Variants in ADGRL2 observed in about 807,000 individuals in gnomAD.
ADGRL2 encodes calcium-independent alpha-latrotoxin receptor 2.
ADGRL2 carries 44 observed loss-of-function variants against 157.4 expected under a neutral mutation model. That is an observed-to-expected ratio of 0.28 (90% confidence interval 0.22 to 0.36). The LOEUF (loss-of-function observed/expected upper bound fraction) is 0.36. ADGRL2 is among the 10% of genes least tolerant of loss of function. The pLI is 1.00. For missense variants in ADGRL2, 1,510 were observed against 1,768.9 expected, an observed-to-expected ratio of 0.85 and a Z score of 2.63; for synonymous variants, 585 against 624.7, an observed-to-expected ratio of 0.94 and a Z score of 0.95.
chr1:81,393,907 C>T (rs1328143798), intron 1 of ADGRL2, among the ~76,000 whole-genome samples: 5 of 148,168 alleles, frequency 3.4e-5, no homozygotes, highest in African/African-American at 1.2e-4. Flanking sequence ...TTAACATACT[C>T]ATTATAGAAT....
At chr1:81,364,246 C>A (rs766712525) in intron 1 of ADGRL2, among the ~76,000 whole-genome samples, 2 of 151,272 alleles carry the variant, frequency 1.3e-5, no homozygotes, top group Admixed American at 6.6e-5. Context: ...GGTCTAGGAT[C>A]ATTTCTTTCA....
At chr1:81,729,179 TC>T (rs1172490236) in intron 1 of ADGRL2, among the ~76,000 whole-genome samples, 1 of 151,580 alleles carries the variant, frequency 6.6e-6, no homozygotes, top group East Asian at 1.9e-4. Context: ...CATTTAAAAG[TC>T]TTTTATGATA....
intron 2 of ADGRL2, among the ~76,000 whole-genome samples, chr1:81,793,934 T>G (rs2087467854): frequency 6.6e-6 from 1 of 152,172 alleles, no homozygotes; most frequent in Non-Finnish European, 1.5e-5. Flanking sequence ...TTCTTGGGAT[T>G]CAGATTATTT....
At chr1:81,323,257 T>C (rs1227148987) in intron 1 of ADGRL2, among the ~76,000 whole-genome samples, 2 of 150,720 alleles carry the variant, frequency 1.3e-5, no homozygotes, top group East Asian at 4.0e-4. Flanking sequence ...TTTTGTTTTA[T>C]TTGAGGCAAA....
intron 2 of ADGRL2, among the ~76,000 whole-genome samples, chr1:81,858,252 C>T (rs1363520232): frequency 6.6e-6 from 1 of 152,062 alleles, no homozygotes; most frequent in East Asian, 1.9e-4. Flanking sequence ...GTAAAAGGTA[C>T]ATCAAAATAA....
At chr1:81,384,287 G>C (rs893801851) in intron 1 of ADGRL2, among the ~76,000 whole-genome samples, 2 of 152,056 alleles carry the variant, frequency 1.3e-5, no homozygotes, top group Non-Finnish European at 2.9e-5. Context: ...TATGTTTTTA[G>C]GTAATTAAAA....
chr1:81,536,169 C>T (rs2079732554), intron 2 of ADGRL2, among the ~76,000 whole-genome samples: 1 of 152,134 alleles, frequency 6.6e-6, no homozygotes, highest in African/African-American at 2.4e-5. Flanking sequence ...TTTGAATAAA[C>T]ATCCAAACAT....
intron 2 of ADGRL2, among the ~76,000 whole-genome samples, chr1:81,782,633 A>G (rs1329066192): frequency 6.6e-6 from 1 of 152,074 alleles, no homozygotes; most frequent in Non-Finnish European, 1.5e-5. Context: ...AAGGGAGACC[A>G]CTCTATCACA....
At chr1:81,712,837 A>G (rs2083979476) in intron 1 of ADGRL2, among the ~76,000 whole-genome samples, 1 of 137,758 alleles carries the variant, frequency 7.3e-6, no homozygotes, top group Non-Finnish European at 1.5e-5. Flanking sequence ...ATCTCAGCTC[A>G]CTGCAGCCTC....
intron 3 of ADGRL2, among the ~76,000 whole-genome samples, chr1:81,925,703 T>C (rs934284968): frequency 6.6e-6 from 1 of 152,050 alleles, no homozygotes; most frequent in Non-Finnish European, 1.5e-5. Context: ...ATTTCTATAC[T>C]TTCAGTTTGA....
Position 81,968,142 on chromosome 1 carries a change from G to A in ADGRL2, c.2466G>A (p.Thr822=), listed in dbSNP as rs771163920. The change falls in exon 14 of 24, where the codon ACG becomes ACA. Residue 822 remains threonine (T), a synonymous_variant. Transcript: ENST00000686636. ...TTGACACTAATAAAACTCGAACAAC[G>A]TGTGCATGCAGCCACCTAACCAATT... ...KLVDTNKTRT[T]CACSHLTNFA... The A allele has an allele frequency of 4.8e-5, 78 of 1,612,860 alleles. No homozygotes were observed. In the East Asian group the frequency reaches 1.5e-3, roughly 30 times the overall value.
At chr1:81,876,496 C>G (rs561913154) in intron 2 of ADGRL2, among the ~76,000 whole-genome samples, 1 of 152,058 alleles carries the variant, frequency 6.6e-6, no homozygotes, top group African/African-American at 2.4e-5. Context: ...TCCTTTGATT[C>G]TATTAAATCC....
rs1662627473 is a variant in ADGRL2, at chr1:81,984,607, T to C, written c.3307T>C (p.Phe1103Leu). ...GGTACGAAAAGAATATGGCAAGTGC[T>C]TCAGACACTCATACTGCTGTGGAGG... ...KKVRKEYGKCFRHSYCCGGLP... is the reference protein window; with the variant it reads ...KKVRKEYGKCLRHSYCCGGLP... Residue 1103 changes from phenylalanine to leucine, a missense_variant, in exon 20 of 24, where the codon TTC becomes CTC. Phe to Leu is a conservative substitution (Grantham distance 22). Around this residue, in one of 4 missense-constraint regions of ADGRL2, gnomAD observed 497 missense variants for 627.2 expected, o/e 0.79. Coordinates refer to ENST00000686636, the MANE Select transcript of ADGRL2 (RefSeq NM_001366006.2). 3 of 1,611,428 alleles carry C rather than the reference T, an allele frequency of 1.9e-6. No homozygotes were observed. The highest frequency in any genetic ancestry group is 1.3e-5 in the African/African-American group (1 of 74,810).
chr1:81,569,132 G>A (rs1026667915), intron 2 of ADGRL2, among the ~76,000 whole-genome samples: 1 of 152,048 alleles, frequency 6.6e-6, no homozygotes, highest in South Asian at 2.1e-4. Context: ...CTGGTATTCA[G>A]TTCTAATAAT....
chr1:81,840,886 A>T (rs2092549799), intron 2 of ADGRL2, among the ~76,000 whole-genome samples: 1 of 152,112 alleles, frequency 6.6e-6, no homozygotes, highest in Non-Finnish European at 1.5e-5. Context: ...TTATCGAGAG[A>T]CTGGTATGCT....
chr1:81,405,302 T>C (rs1383348130), intron 1 of ADGRL2, among the ~76,000 whole-genome samples: 1 of 152,160 alleles, frequency 6.6e-6, no homozygotes, highest in Non-Finnish European at 1.5e-5. Context: ...TGGCAATGAT[T>C]CCGTATTAAT....
chr1:81,341,004 G>T (rs1270022563), intron 1 of ADGRL2, among the ~76,000 whole-genome samples: 1 of 150,828 alleles, frequency 6.6e-6, no homozygotes, highest in African/African-American at 2.4e-5. Flanking sequence ...TTTTATTTTT[G>T]CCATAGTCCC....
chr1:81,864,469 G>T lies in ADGRL2; in HGVS notation c.73+27412G>T, dbSNP rs181567197. Among the ~76,000 whole-genome samples the T allele has an allele frequency of 1.2e-4, 19 of 152,176 alleles. 1 individual carries two copies. The East Asian group carries it at 3.7e-3, about 29-fold the overall frequency. On this transcript the variant is annotated intron_variant, in intron 2 of 23. Transcript: ENST00000686636. ...GACATGTCCAGAATATTGCACCTAA[G>T]AATGAATTGACCTATGACATATTAA...
intron 1 of ADGRL2, among the ~76,000 whole-genome samples, chr1:81,438,422 C>T (rs776253986): frequency 1.4e-4 from 21 of 152,080 alleles, no homozygotes; most frequent in Admixed American, 8.5e-4. Context: ...TATTATTTTC[C>T]GTGTTGCTGA....
Sources: gnomAD v4.1 joint callset for allele counts (sites outside exome capture counted in the v4.1 genomes callset) on GRCh38, gnomAD v4.1.1 for gene constraint, gnomAD v4.1.1 regional missense constraint, MANE v1.5 for transcripts, NCBI Gene and HGNC (gene_info 2026-07-23, HGNC 2026-07-21) for gene names.